SLC43A2: variants seen among roughly 807,000 people sequenced by gnomAD.
The protein encoded by SLC43A2 is solute carrier family 43 member 2.
SLC43A2 carries 38 observed loss-of-function variants against 63.2 expected under a neutral mutation model. The observed-to-expected ratio is 0.60, with a 90% confidence interval of 0.46 to 0.79. The LOEUF is 0.79. SLC43A2 is among the 30% of genes least tolerant of loss of function. SLC43A2 has a pLI of 0.00. For synonymous variants in SLC43A2, 322 were observed against 331.0 expected (o/e 0.97, Z 0.30); for missense variants, 644 against 756.2 (o/e 0.85, Z 1.74).
rs1451540224 is a variant in SLC43A2 at position 1,573,225 on chromosome 17, C to T, written c.*2379G>A. On this transcript the variant is annotated 3_prime_UTR_variant, in exon 14 of 14. Coordinates refer to ENST00000301335, the MANE Select transcript of SLC43A2 (RefSeq NM_152346.3). ...GGCGGCCTTTTCCCAGCTGGCAGCACCCTGGCTAGTTAGGGTTTCTCCGAA... is the reference window on the plus strand; with the variant it reads ...GGCGGCCTTTTCCCAGCTGGCAGCATCCTGGCTAGTTAGGGTTTCTCCGAA... 2.6e-5 allele frequency: 4 copies of T among 151,488 alleles called. No homozygotes were observed. The highest frequency in any genetic ancestry group is 9.7e-5 in the African/African-American group (4 of 41,090). 9.4% of individuals were successfully genotyped at this position (151,488 alleles called of 1,614,324 possible).
chr17:1,584,108 T>A (rs144452288), intron 10 of SLC43A2, among the ~76,000 whole-genome samples: 90 of 152,224 alleles, frequency 5.9e-4, no homozygotes, highest in Non-Finnish European at 1.1e-3. Context: ...TTAGCCAGGA[T>A]GGTCTCGATC....
At chr17:1,604,956 G>A (rs1471260470) in intron 5 of SLC43A2, 15 of 1,493,888 alleles carry the variant, frequency 1.0e-5, no homozygotes, top group Admixed American at 8.2e-5. Context: ...AGGGCTGAGC[G>A]CTGAGCAGAG....
chr17:1,581,955 T>TACCC (rs2076023531), intron 11 of SLC43A2, among the ~76,000 whole-genome samples: 1 of 151,670 alleles, frequency 6.6e-6, no homozygotes, highest in Non-Finnish European at 1.5e-5. Flanking sequence ...TACAGGCATG[T>TACCC]GCCACCACGC....
chr17:1,588,025 G>C (rs984218195), intron 9 of SLC43A2, among the ~76,000 whole-genome samples: 5 of 152,238 alleles, frequency 3.3e-5, no homozygotes, highest in Admixed American at 3.3e-4. Flanking sequence ...GGGTGGGTGG[G>C]AGAGTGAGGC....
chr17:1,609,164 G>C (rs559136099), intron 5 of SLC43A2, among the ~76,000 whole-genome samples: 9 of 152,316 alleles, frequency 5.9e-5, no homozygotes, highest in Admixed American at 3.9e-4. Context: ...GGGACATGGA[G>C]GAAAAGACAC....
intron 2 of SLC43A2, among the ~76,000 whole-genome samples, chr17:1,623,816 G>C (rs1420627258): frequency 2.4e-5 from 3 of 125,288 alleles, no homozygotes; most frequent in Non-Finnish European, 5.1e-5. Flanking sequence ...CTCCTCCAGG[G>C]TGTACCCTCC....
chr17:1,617,498 C>A (rs934099027), intron 2 of SLC43A2, among the ~76,000 whole-genome samples: 1 of 152,148 alleles, frequency 6.6e-6, no homozygotes, highest in Admixed American at 6.5e-5. Flanking sequence ...TCAAGCAATT[C>A]TCCTGCCTCA....
chr17:1,598,929 C>T lies in SLC43A2; in HGVS notation c.502-5650G>A, dbSNP rs527426251. Among the ~76,000 whole-genome samples the T allele has an allele frequency of 5.3e-5, 8 of 152,330 alleles. No homozygotes were observed. The South Asian group carries it at 1.7e-3, about 32-fold the overall frequency. ...CTTACCAGCACCAAGAAAATTCTTCCCAACATGTTATTCTGGTCAGCAGGG... is the reference window on the plus strand; with the variant it reads ...CTTACCAGCACCAAGAAAATTCTTCTCAACATGTTATTCTGGTCAGCAGGG... On this transcript the variant is annotated intron_variant, in intron 5 of 13. Coordinates refer to ENST00000301335, the MANE Select transcript of SLC43A2 (RefSeq NM_152346.3).
chr17:1,623,094 G>C (rs992370566), intron 2 of SLC43A2, among the ~76,000 whole-genome samples: 2 of 152,176 alleles, frequency 1.3e-5, no homozygotes, highest in Admixed American at 6.5e-5. Flanking sequence ...CGACAAGAGT[G>C]AAACTCCGTT....
chr17:1,619,728 C>CA (rs1907982054), intron 2 of SLC43A2, among the ~76,000 whole-genome samples: 1 of 152,228 alleles, frequency 6.6e-6, no homozygotes, highest in African/African-American at 2.4e-5. Flanking sequence ...GCTCTGAAGT[C>CA]AGGGAAAGAG....
In SLC43A2 at chr17:1,613,297, G is replaced by A. The variant is rs148429486; in HGVS notation, c.425-26C>T. The A allele has an allele frequency of 7.2e-4, 1,155 of 1,612,064 alleles. 18 individuals are homozygous for A. In the East Asian group the frequency reaches 0.021, roughly 29 times the overall value. On this transcript the variant is annotated intron_variant, in intron 4 of 13. Coordinates refer to ENST00000301335, the MANE Select transcript of SLC43A2 (RefSeq NM_152346.3). The stretch of plus-strand genomic sequence containing the variant: ...CTGCAGGGACATGGAAAGCTCGTGA[G>A]TGGAGACCCCAGCTGAGCTCCAGGG...
rs1340112146 is a variant in SLC43A2, at chr17:1,616,701, C to T, written c.229G>A (p.Gly77Ser). The part of the protein sequence containing the change: ...PGHEEVSWMN[G>S]WLSCQAQDEM... ...TCCTGGGCCTGGCAGCTGAGCCAGC[C>T]GTTCATCCAGCTCACCTCCTCGTGC... The change falls in exon 3 of 14, where the codon GGC (glycine) becomes AGC (serine). Residue 77 changes from glycine (G) to serine (S), a missense_variant. Gly to Ser is a moderately conservative substitution (Grantham distance 56). Transcript: ENST00000301335. 3 of 1,614,164 alleles carry T rather than the reference C, an allele frequency of 1.9e-6. No homozygotes were observed. The highest frequency in any genetic ancestry group is 1.1e-5 in the South Asian group (1 of 91,088).
At chr17:1,612,665 C>A (rs1400102271) in intron 5 of SLC43A2, among the ~76,000 whole-genome samples, 3 of 152,246 alleles carry the variant, frequency 2.0e-5, no homozygotes, top group Admixed American at 2.0e-4. Context: ...AGCATCAAAG[C>A]CCAGATCAGA....
intron 11 of SLC43A2, among the ~76,000 whole-genome samples, chr17:1,579,643 C>T (rs927766926): frequency 6.6e-6 from 1 of 151,954 alleles, no homozygotes; most frequent in Non-Finnish European, 1.5e-5. Flanking sequence ...CCAGACCAGC[C>T]TGGGCAACAT....
intron 2 of SLC43A2, among the ~76,000 whole-genome samples, chr17:1,625,095 C>T (rs960526822): frequency 6.6e-6 from 1 of 152,176 alleles, no homozygotes; most frequent in Non-Finnish European, 1.5e-5. Flanking sequence ...GGTCTCCTGC[C>T]CTCACCAGGG....
At position 1,585,966 on chromosome 17, in the gene SLC43A2, C is replaced by G. The variant is rs368452148; in HGVS notation, c.1164G>C (p.Arg388Ser). Residue 388 changes from arginine (R) to serine (S), a missense_variant, in exon 10 of 14, where the codon AGG becomes AGC. Physicochemically the swap from Arg to Ser is moderately radical, Grantham distance 110. This residue lies in a region of SLC43A2 where 528 missense variants were observed against 623.6 expected (regional missense o/e 0.85). Transcript: ENST00000301335. Reference sequence around the variant, plus strand: ...CGGAGGCGTCTTCACACTCCTTCAGCCTCCAGTCCATGATGTAGCCAATGA... The same window carrying G: ...CGGAGGCGTCTTCACACTCCTTCAGGCTCCAGTCCATGATGTAGCCAATGA... ...APVIGYIMDW[R>S]LKECEDASEE... is the part of the protein sequence containing the mutation. The G allele has an allele frequency of 3.8e-5, 62 of 1,613,342 alleles. No individual in the cohort carries two copies. Among genetic ancestry groups the G allele is most frequent in the Non-Finnish European group, 5.0e-5 (59 of 1,179,986 alleles).
At chr17:1,619,794 GCA>G (rs1331148741) in intron 2 of SLC43A2, among the ~76,000 whole-genome samples, 3 of 152,268 alleles carry the variant, frequency 2.0e-5, no homozygotes, top group Non-Finnish European at 4.4e-5. Context: ...GAGCAAACCA[GCA>G]CAGAGGTGAC....
intron 6 of SLC43A2, among the ~76,000 whole-genome samples, chr17:1,592,220 A>C (rs1904883575): frequency 6.6e-6 from 1 of 152,200 alleles, no homozygotes. Context: ...TGAGGTCAGG[A>C]GTTCCAGGCC....
At position 1,591,719 on chromosome 17, in the gene SLC43A2, C is replaced by CGG. The variant is rs1567622384; in HGVS notation, c.595-22_595-21dup. On this transcript the variant is annotated intron_variant, in intron 6 of 13. Coordinates refer to ENST00000301335, the MANE Select transcript of SLC43A2 (RefSeq NM_152346.3). ...GATGAGCTGACAGGCACCGCGGGGA[C>CGG]GGGGTGGGGGGGGGAGGGGGCAGAG... is the stretch of plus-strand genomic sequence containing the variant. The CGG allele has an allele frequency of 1.8e-4, 21 of 118,820 alleles. No homozygotes were observed. Among genetic ancestry groups the CGG allele is most frequent in the Middle Eastern group, 2.1e-3 (1 of 470 alleles). 7.4% of individuals were successfully genotyped at this position (118,820 alleles called of 1,614,324 possible). A position where few individuals can be genotyped will look rare whatever the true frequency, so the allele number is the denominator to read the frequency against.
Sources: allele counts gnomAD v4.1 joint callset (sites outside exome capture counted in the v4.1 genomes callset), GRCh38; gene constraint gnomAD v4.1.1; regional missense constraint gnomAD v4.1.1; transcripts MANE v1.5; gene names NCBI Gene and HGNC (gene_info 2026-07-23, HGNC 2026-07-21).